The following SLC13A4 variants were observed in gnomAD, a reference collection of about 807,000 sequenced individuals.
SLC13A4 encodes Na(+)/sulfate cotransporter SUT-1.
In SLC13A4, 28 loss-of-function variants were observed where a neutral mutation model predicts 72.7. The ratio of observed to expected loss-of-function variants is 0.39; its 90% CI spans 0.29 to 0.53. The LOEUF (loss-of-function observed/expected upper bound fraction) is 0.53. Ranked by LOEUF, SLC13A4 falls within the 20% of genes least tolerant of loss-of-function variation. SLC13A4 has a pLI of 0.78. For missense variants in SLC13A4, 653 were observed against 788.0 expected, an observed-to-expected ratio of 0.83 and a Z score of 2.05; for synonymous variants, 312 against 325.5, an observed-to-expected ratio of 0.96 and a Z score of 0.45.
chr7:135,704,282 A>G (rs1052238738), intron 5 of SLC13A4: 7 of 152,380 alleles, frequency 4.6e-5, no homozygotes, highest in Non-Finnish European at 1.0e-4. Flanking sequence ...AGGCCCTGCC[A>G]TCAGGCCTGA....
intron 1 of SLC13A4, among the ~76,000 whole-genome samples, chr7:135,722,083 A>G (rs906801058): frequency 2.0e-5 from 3 of 152,088 alleles, no homozygotes; most frequent in Non-Finnish European, 4.4e-5. Context: ...TCTCTAAAAA[A>G]TAAAATATAA....
At chr7:135,692,249 T>G in intron 11 of SLC13A4, 74 bp downstream of exon 11, 6 of 1,031,932 alleles carry the variant, frequency 5.8e-6, no homozygotes, top group Non-Finnish European at 9.2e-6. Context: ...TATCTGCCCC[T>G]GAGAGTCTAT....
At chr7:135,689,304 A>G (rs996340175) in intron 13 of SLC13A4, among the ~76,000 whole-genome samples, 1 of 152,248 alleles carries the variant, frequency 6.6e-6, no homozygotes, top group African/African-American at 2.4e-5. Flanking sequence ...AGAAATATTG[A>G]TGGCATATAT....
At chr7:135,698,843 C>T (rs1426581431) in intron 8 of SLC13A4, among the ~76,000 whole-genome samples, 2 of 152,022 alleles carry the variant, frequency 1.3e-5, no homozygotes, top group East Asian at 3.9e-4. Flanking sequence ...CCATGTTGGT[C>T]AGGCTGGTCT....
chr7:135,715,355 ATGAG>A (rs1357742938), intron 2 of SLC13A4, among the ~76,000 whole-genome samples: 5 of 139,672 alleles, frequency 3.6e-5, no homozygotes, highest in African/African-American at 1.1e-4. Flanking sequence ...GAGCGTGTGT[ATGAG>A]TGTATGTGTA....
intron 1 of SLC13A4, among the ~76,000 whole-genome samples, chr7:135,724,421 C>T (rs542533065): frequency 1.4e-5 from 2 of 147,260 alleles, no homozygotes; most frequent in South Asian, 2.3e-4. Context: ...CCCTTGAACC[C>T]GGGAGGCAGA....
chr7:135,711,364 A>G (rs976223561), intron 2 of SLC13A4, among the ~76,000 whole-genome samples: 1 of 152,132 alleles, frequency 6.6e-6, no homozygotes, highest in African/African-American at 2.4e-5. Flanking sequence ...ATGGCCTTTT[A>G]GGATGCTCAG....
chr7:135,711,836 C>T (rs1796309655), intron 2 of SLC13A4, among the ~76,000 whole-genome samples: 1 of 152,032 alleles, frequency 6.6e-6, no homozygotes, highest in South Asian at 2.1e-4. Flanking sequence ...CGGCTCACTA[C>T]AACCTCTGCC....
intron 2 of SLC13A4, among the ~76,000 whole-genome samples, chr7:135,711,348 G>A (rs966064293): frequency 6.6e-6 from 1 of 152,146 alleles, no homozygotes; most frequent in African/African-American, 2.4e-5. Flanking sequence ...CACCGGTTTG[G>A]CTGTGATGGC....
chr7:135,727,519 C>G lies in SLC13A4; in HGVS notation c.-23G>C, dbSNP rs3800767. The G allele has an allele frequency of 2.2e-3, 3,403 of 1,542,022 alleles. 70 individuals are homozygous for G. In the African/African-American group the frequency reaches 0.04, roughly 18 times the overall value. On this transcript the variant is annotated 5_prime_UTR_variant, in exon 1 of 16. Transcript: ENST00000682651. ...CATCGCGCCTCTGTCCTCTCCAGCT[C>G]GTCCTTGGACCCCGCTCTGCCGGCG...
chr7:135,711,960 T>C (rs1212864829), intron 2 of SLC13A4, among the ~76,000 whole-genome samples: 16 of 140,780 alleles, frequency 1.1e-4, no homozygotes, highest in Admixed American at 2.2e-4. Flanking sequence ...CTAATGTTTT[T>C]GGATTTTTTT....
At chr7:135,701,124 T>G (rs1796024606) in intron 7 of SLC13A4, among the ~76,000 whole-genome samples, 1 of 152,158 alleles carries the variant, frequency 6.6e-6, no homozygotes, top group African/African-American at 2.4e-5. Context: ...ATAGAAAAAA[T>G]GCTGAGTGCA....
chr7:135,709,324 T>A (rs1011239897), intron 2 of SLC13A4, among the ~76,000 whole-genome samples: 1 of 152,050 alleles, frequency 6.6e-6, no homozygotes, highest in African/African-American at 2.4e-5. Flanking sequence ...TACACTCTTT[T>A]TTTTTTTCCC....
intron 7 of SLC13A4, 99 bp downstream of exon 7, chr7:135,701,580 CA>C: frequency 8.4e-7 from 1 of 1,190,138 alleles, no homozygotes; most frequent in Non-Finnish European, 1.2e-6. Context: ...GGTGACAGCT[CA>C]CTAGCCTGAT....
At position 135,706,314 on chromosome 7, in the gene SLC13A4, A is replaced by T. The variant is rs570349759; in HGVS notation, c.366-14T>A. ...CAGAGCAGCAGCCTGGAAGGCAGGG[A>T]GGGTTGGGGCAGAGCGTCCACGGAA... On this transcript the variant is annotated splice_polypyrimidine_tract_variant and intron_variant, in intron 3 of 15. Coordinates refer to ENST00000682651, the MANE Select transcript of SLC13A4 (RefSeq NM_001318192.2). 1.6e-4 allele frequency: 261 copies of T among 1,595,692 alleles called. 3 individuals are homozygous for T. In the South Asian group the frequency reaches 2.8e-3, roughly 17 times the overall value.
chr7:135,700,962 G>A (rs183798771), intron 7 of SLC13A4, among the ~76,000 whole-genome samples: 63 of 152,340 alleles, frequency 4.1e-4, no homozygotes, highest in Admixed American at 1.2e-3. Context: ...GTAATTGGAA[G>A]TATATTGATG....
intron 5 of SLC13A4, 24 bp from the exon 6 acceptor site, chr7:135,702,908 G>A (rs3112347): frequency 0.61 from 972,284 of 1,600,006 alleles, 299,378 homozygotes; most frequent in East Asian, 0.86. Flanking sequence ...GAGGACACAG[G>A]AGCCACGTCA....
At chr7:135,721,610 G>A in intron 1 of SLC13A4, 87 bp from the exon 2 acceptor site, 1 of 1,550,224 alleles carries the variant, frequency 6.5e-7, no homozygotes, top group South Asian at 1.2e-5. Context: ...TGAGGCAGCA[G>A]ACTCAGACTG....
intron 2 of SLC13A4, among the ~76,000 whole-genome samples, chr7:135,711,963 ATTTTTTTTTTTT>A (rs529940903): frequency 0.013 from 601 of 46,892 alleles, 15 homozygotes; most frequent in African/African-American, 0.025. Context: ...ATGTTTTTGG[ATTTTTTTTTTTT>A]TTTTTTTTTT....
Sources: gnomAD v4.1 joint callset for allele counts (sites outside exome capture counted in the v4.1 genomes callset) on GRCh38, gnomAD v4.1.1 for gene constraint, MANE v1.5 for transcripts, NCBI Gene and HGNC (gene_info 2026-07-23, HGNC 2026-07-21) for gene names.